SRPK2: variants seen among roughly 807,000 people sequenced by gnomAD.
SRPK2 encodes SFRS protein kinase 2.
SRPK2 carries 21 observed loss-of-function variants against 90.8 expected under a neutral mutation model. The observed-to-expected ratio is 0.23, with a 90% CI of 0.16 to 0.33. The LOEUF (loss-of-function observed/expected upper bound fraction) is 0.33, where lower values mean the gene tolerates loss of function less well. Among genes scored for constraint, SRPK2 ranks in the 10% least tolerant of loss-of-function variants. The pLI is 1.00. For missense variants in SRPK2, 620 were observed against 869.0 expected, an observed-to-expected ratio of 0.71 and a Z score of 3.60; for synonymous variants, 288 against 311.1, an observed-to-expected ratio of 0.93 and a Z score of 0.78.
intron 13 of SRPK2, among the ~76,000 whole-genome samples, chr7:105,128,838 G>T (rs572544262): frequency 2.4e-4 from 36 of 152,212 alleles, no homozygotes; most frequent in African/African-American, 8.7e-4. Context: ...GGGACTACAG[G>T]CGCACTACAC....
intron 2 of SRPK2, among the ~76,000 whole-genome samples, chr7:105,267,272 T>C (rs777645908): frequency 6.6e-6 from 1 of 152,202 alleles, no homozygotes; most frequent in Non-Finnish European, 1.5e-5. Context: ...TCATCCACTC[T>C]GTCCAACCCT....
At chr7:105,387,038 A>G (rs1229639970) in intron 2 of SRPK2, among the ~76,000 whole-genome samples, 2 of 152,234 alleles carry the variant, frequency 1.3e-5, no homozygotes, top group Non-Finnish European at 2.9e-5. Context: ...TCATACTCTA[A>G]TATATGCAAA....
At chr7:105,318,052 G>A (rs1050072236) in intron 2 of SRPK2, among the ~76,000 whole-genome samples, 1 of 151,950 alleles carries the variant, frequency 6.6e-6, no homozygotes, top group African/African-American at 2.4e-5. Context: ...CCACCATGCC[G>A]AGCCAAAAGC....
At chr7:105,171,110 G>A (rs1188058498) in intron 3 of SRPK2, among the ~76,000 whole-genome samples, 1 of 151,834 alleles carries the variant, frequency 6.6e-6, no homozygotes, top group African/African-American at 2.4e-5. Flanking sequence ...GAAGGGAGAG[G>A]AAGAAATCAG....
At chr7:105,380,962 A>C (rs1408528171) in intron 2 of SRPK2, among the ~76,000 whole-genome samples, 1 of 150,508 alleles carries the variant, frequency 6.6e-6, no homozygotes, top group East Asian at 1.9e-4. Context: ...AAAAAAAAAA[A>C]AAAAAAAAAA....
At chr7:105,169,116 T>C in intron 4 of SRPK2, 41 bp downstream of exon 4, 1 of 1,545,764 alleles carries the variant, frequency 6.5e-7, no homozygotes, top group Non-Finnish European at 8.9e-7. Context: ...GATGTTGAAC[T>C]ACTCCAGGAA....
intron 2 of SRPK2, among the ~76,000 whole-genome samples, chr7:105,273,550 C>T (rs1204709482): frequency 6.6e-6 from 1 of 151,914 alleles, no homozygotes; most frequent in Non-Finnish European, 1.5e-5. Context: ...CTCAGCCCCC[C>T]GAGTAGCTGG....
chr7:105,327,230 A>G (rs75173506), intron 2 of SRPK2, among the ~76,000 whole-genome samples: 2,960 of 141,376 alleles, frequency 0.021, 102 homozygotes, highest in African/African-American at 0.068. Flanking sequence ...ATGGTTGGGG[A>G]AAAAATCAAT....
upstream of SRPK2, among the ~76,000 whole-genome samples, chr7:105,393,211 G>C (rs1214625853): frequency 6.7e-6 from 1 of 150,166 alleles, no homozygotes; most frequent in Admixed American, 6.6e-5. Flanking sequence ...GGCCAGGCTG[G>C]TCTCAAACTC....
At chr7:105,369,160 T>G (rs959857622) in intron 2 of SRPK2, among the ~76,000 whole-genome samples, 6 of 122,594 alleles carry the variant, frequency 4.9e-5, no homozygotes, top group African/African-American at 1.7e-4. Context: ...TTATTATTAT[T>G]ATTCGAGATA....
intron 15 of SRPK2, among the ~76,000 whole-genome samples, chr7:105,121,259 C>T (rs1024921746): frequency 4.0e-5 from 6 of 151,646 alleles, no homozygotes; most frequent in Admixed American, 6.6e-5. Context: ...GCACAAAAAT[C>T]GTTTGAACCC....
intron 2 of SRPK2, among the ~76,000 whole-genome samples, chr7:105,207,440 A>G (rs933767046): frequency 6.6e-6 from 1 of 152,244 alleles, no homozygotes; most frequent in Non-Finnish European, 1.5e-5. Context: ...AACAGATTAA[A>G]AAAAACAACT....
At chr7:105,271,287 G>A (rs1254441041) in intron 2 of SRPK2, among the ~76,000 whole-genome samples, 1 of 152,136 alleles carries the variant, frequency 6.6e-6, no homozygotes, top group Non-Finnish European at 1.5e-5. Flanking sequence ...TGTAAACACT[G>A]GAAAGAAAAG....
intron 2 of SRPK2, among the ~76,000 whole-genome samples, chr7:105,281,666 G>GGA (rs1277547621): frequency 7.2e-6 from 1 of 138,246 alleles, no homozygotes; most frequent in Non-Finnish European, 1.5e-5. Context: ...CTGTTGCTAA[G>GGA]GTAAAAAAAA....
In SRPK2 at chr7:105,289,830, T is replaced by C. The variant is rs569385686; in HGVS notation, c.72-86045A>G. ...TCAGCCTCTGACATGCCTTCCTCACTAAGCTTAATCATTTCTTACTTTTGA... is the reference window on the plus strand; with the variant it reads ...TCAGCCTCTGACATGCCTTCCTCACCAAGCTTAATCATTTCTTACTTTTGA... On this transcript the variant is annotated intron_variant, in intron 2 of 15. Transcript: ENST00000393651. Among the ~76,000 whole-genome samples the C allele has an allele frequency of 2.6e-5, 4 of 152,320 alleles. No homozygotes were observed. In the South Asian group the frequency reaches 6.2e-4, roughly 24 times the overall value.
Position 105,388,844 on chromosome 7 carries a change from G to C in SRPK2, c.-38C>G. 2.3e-6 allele frequency: 3 copies of C among 1,317,016 alleles called. No homozygotes were observed. Among genetic ancestry groups the C allele is most frequent in the South Asian group, 4.2e-5 (2 of 47,472 alleles). 81.6% of individuals were successfully genotyped at this position (1,317,016 alleles called of 1,614,324 possible). ...GAAGCGGGGCGGGGGGCTTCGCGAC[G>C]GCGACGCGGGCGCCGAGACGAGCTG... is the stretch of plus-strand genomic sequence containing the variant. On this transcript the variant is annotated 5_prime_UTR_variant, in exon 1 of 16. Transcript: ENST00000393651.
At chr7:105,355,403 G>A (rs933800334) in intron 2 of SRPK2, among the ~76,000 whole-genome samples, 1 of 152,030 alleles carries the variant, frequency 6.6e-6, no homozygotes, top group Non-Finnish European at 1.5e-5. Context: ...CCAACACTTT[G>A]GCAAACAGAG....
At chr7:105,306,844 T>C (rs73716652) in intron 2 of SRPK2, among the ~76,000 whole-genome samples, 1,814 of 152,262 alleles carry the variant, frequency 0.012, 32 homozygotes, top group African/African-American at 0.042. Flanking sequence ...GGAGGAGACA[T>C]GGCTAAATAT....
In SRPK2 at chr7:105,334,231, G is replaced by A. The variant is rs560135033; in HGVS notation, c.71+54417C>T. Among the ~76,000 whole-genome samples the A allele has an allele frequency of 2.4e-4, 36 of 152,260 alleles. No homozygotes were observed. In the South Asian group the frequency reaches 2.9e-3, roughly 12 times the overall value. ...CAAGTAGCTGGGACTATAGGCACAC[G>A]CCACCATGCCTCGCTAATGTTTGTA... On this transcript the variant is annotated intron_variant, in intron 2 of 15. Coordinates refer to ENST00000393651, the MANE Select transcript of SRPK2 (RefSeq NM_182692.3).
Sources: gnomAD v4.1 joint callset for allele counts (sites outside exome capture counted in the v4.1 genomes callset) on GRCh38, gnomAD v4.1.1 for gene constraint, MANE v1.5 for transcripts, NCBI Gene and HGNC (gene_info 2026-07-23, HGNC 2026-07-21) for gene names.